NBPF3: variants seen among roughly 807,000 people sequenced by gnomAD.
NBPF3 encodes the protein NBPF member 3.
NBPF3 carries 57 observed loss-of-function variants against 78.1 expected under a neutral mutation model. That is an observed-to-expected ratio of 0.73 (90% confidence interval 0.59 to 0.91). The LOEUF (loss-of-function observed/expected upper bound fraction) is 0.91, where lower values mean the gene tolerates loss of function less well. Among genes scored for constraint, NBPF3 ranks in the 40% least tolerant of loss-of-function variants. The pLI is 0.00. For missense variants in NBPF3, 510 were observed against 715.3 expected (o/e 0.71, Z 3.27); for synonymous variants, 182 against 271.7 (o/e 0.67, Z 3.25).
At chr1:21,437,589 A>C, upstream of NBPF3, 1 of 719,658 alleles carries the variant, frequency 1.4e-6, no homozygotes, top group Non-Finnish European at 2.1e-6. Context: ...TTTGGGCATA[A>C]CACCAGTCGA....
Position 21,483,313 on chromosome 1 carries a change from A to G in NBPF3, c.1829A>G (p.Asp610Gly), listed in dbSNP as rs1332977023. ...EQDVSLALDV[D>G]NRFFTLTVIR... The stretch of plus-strand genomic sequence containing the variant: ...GACGTCAGCTTGGCCCTTGACGTGG[A>G]CAATAGGTTTTTTACTTTGACAGTG... The change falls in exon 15 of 15, where the codon GAC becomes GGC. Residue 610 changes from aspartate to glycine, a missense_variant. Coordinates refer to ENST00000318249, the MANE Select transcript of NBPF3 (RefSeq NM_032264.6). 4 of 1,277,026 alleles carry G rather than the reference A, an allele frequency of 3.1e-6. No individual in the cohort carries two copies. In the South Asian group the frequency reaches 5.5e-5, roughly 18 times the overall value. 79.1% of individuals were successfully genotyped at this position (1,277,026 alleles called of 1,614,324 possible).
At chr1:21,469,989 C>G (rs1046616642) in intron 3 of NBPF3, among the ~76,000 whole-genome samples, 5 of 148,320 alleles carry the variant, frequency 3.4e-5, no homozygotes, top group African/African-American at 1.2e-4. Context: ...TGTTTCTTGT[C>G]AATCTCCTAG....
rs948254113 is a variant in NBPF3, at chr1:21,476,357, C to T, written c.992+1406C>T. On this transcript the variant is annotated intron_variant, in intron 8 of 14. Transcript: ENST00000318249. This position sits in a 1 kb window ranked among gnomAD's most constrained non-coding sequence, Gnocchi z 4.1. ...TTTTGCCTGTTAGTTGATGCACTTTCTTCCTAGCATTGATGGTCTTTACAA... is the reference window on the plus strand; with the variant it reads ...TTTTGCCTGTTAGTTGATGCACTTTTTTCCTAGCATTGATGGTCTTTACAA... Among the ~76,000 whole-genome samples the T allele has an allele frequency of 9.2e-5, 14 of 152,184 alleles. No individual in the cohort carries two copies. The highest frequency in any genetic ancestry group is 3.4e-4 in the African/African-American group (14 of 41,440).
chr1:21,473,810 C>T (rs1261340000), intron 7 of NBPF3, among the ~76,000 whole-genome samples: 3 of 152,238 alleles, frequency 2.0e-5, no homozygotes, highest in Non-Finnish European at 4.4e-5. Context: ...ATCTCATAGT[C>T]ACCTGAGTGC....
At chr1:21,452,235 T>C (rs1333816105) in intron 2 of NBPF3, among the ~76,000 whole-genome samples, 1 of 152,120 alleles carries the variant, frequency 6.6e-6, no homozygotes, top group Non-Finnish European at 1.5e-5. Flanking sequence ...TATATACATA[T>C]AAAATGAGCA....
chr1:21,471,817 C>T, intron 5 of NBPF3, 34 bp downstream of exon 5: 1 of 1,609,958 alleles, frequency 6.2e-7, no homozygotes, highest in Non-Finnish European at 8.5e-7. Flanking sequence ...GACCCAAAAC[C>T]CCAGGCTTAT....
At chr1:21,479,319 G>T (rs1170753710) in intron 9 of NBPF3, 30 bp from the exon 10 acceptor site, 2 of 1,607,402 alleles carry the variant, frequency 1.2e-6, no homozygotes, top group East Asian at 4.5e-5. Context: ...ACTGCTTCAT[G>T]TAAGAGGCCC....
chr1:21,440,045 G>T (rs1207277950), upstream of NBPF3: 1 of 152,300 alleles, frequency 6.6e-6, no homozygotes, highest in Non-Finnish European at 1.5e-5. Flanking sequence ...TCCCTTTAAG[G>T]CCCCGCCGCG....
chr1:21,470,446 A>G (rs916691905), intron 3 of NBPF3, among the ~76,000 whole-genome samples, 186 bp from the exon 4 acceptor site: 1 of 152,144 alleles, frequency 6.6e-6, no homozygotes, highest in African/African-American at 2.4e-5. Context: ...CTTCGTCTCT[A>G]AATTTTGGAG....
Position 21,471,689 on chromosome 1 carries a change from G to A in NBPF3, c.567G>A (p.Pro189=), listed in dbSNP as rs146333187. The change falls in exon 5 of 15, where the codon CCG becomes CCA. Residue 189 remains proline, a synonymous_variant. Transcript: ENST00000318249. ...LNQHLQALLT[P]DEPDNSQGRD... ...AGCATCTCCAGGCCCTCCTCACTCC[G>A]GATGAGCCGGACAACTCCCAGGGAC... 8.7e-6 allele frequency: 14 copies of A among 1,613,378 alleles called. 1 individual carries two copies. Among genetic ancestry groups the A allele is most frequent in the East Asian group, 2.2e-5 (1 of 44,860 alleles).
At chr1:21,475,164 G>A (rs751978828) in intron 8 of NBPF3, among the ~76,000 whole-genome samples, 5 of 152,210 alleles carry the variant, frequency 3.3e-5, no homozygotes, top group Non-Finnish European at 5.9e-5. Flanking sequence ...AGATGAGCCA[G>A]GTGAACTAGC....
chr1:21,470,988 A>G (rs1181457266), intron 4 of NBPF3, among the ~76,000 whole-genome samples: 1 of 152,114 alleles, frequency 6.6e-6, no homozygotes, highest in Non-Finnish European at 1.5e-5. Flanking sequence ...GCATAACACA[A>G]AATTAACCGA....
intron 2 of NBPF3, among the ~76,000 whole-genome samples, chr1:21,450,562 C>T (rs542841916): frequency 6.6e-6 from 1 of 152,260 alleles, no homozygotes; most frequent in South Asian, 2.1e-4. Flanking sequence ...ATGTGGGGAC[C>T]ATTTCAGAAA....
chr1:21,481,452 A>G, intron 12 of NBPF3, 145 bp from the exon 13 acceptor site: 4 of 1,073,830 alleles, frequency 3.7e-6, no homozygotes, highest in South Asian at 3.3e-5. Flanking sequence ...TGCCATCCCA[A>G]CTGAGGGCAA....
chr1:21,478,036 T>G lies in NBPF3; in HGVS notation c.993-108T>G, dbSNP rs552420184. Reference sequence around the variant, plus strand: ...TCTCTTGAAGGAAAAATGCCTTTGGTTTCTGTGAGCACTCCATTCTGTCTC... The same window carrying G: ...TCTCTTGAAGGAAAAATGCCTTTGGGTTCTGTGAGCACTCCATTCTGTCTC... On this transcript the variant is annotated intron_variant, in intron 8 of 14. Transcript: ENST00000318249. 6.2e-4 allele frequency: 991 copies of G among 1,607,402 alleles called. 4 individuals carry two copies. In the Middle Eastern group the frequency reaches 0.011, roughly 17 times the overall value.
At chr1:21,437,103 G>A (rs1266363906), upstream of NBPF3, among the ~76,000 whole-genome samples, 2 of 152,182 alleles carry the variant, frequency 1.3e-5, no homozygotes, top group African/African-American at 4.8e-5. Flanking sequence ...GGTCCTGGTA[G>A]AGAGGGAGAC....
At chr1:21,452,244 C>A (rs1046992280) in intron 2 of NBPF3, among the ~76,000 whole-genome samples, 3 of 152,158 alleles carry the variant, frequency 2.0e-5, no homozygotes, top group African/African-American at 7.2e-5. Context: ...ATAAAATGAG[C>A]AAACATGTGG....
chr1:21,480,588 A>G (rs1191522136), intron 11 of NBPF3, among the ~76,000 whole-genome samples: 2 of 152,306 alleles, frequency 1.3e-5, no homozygotes, highest in Non-Finnish European at 2.9e-5. Flanking sequence ...TGGGCATTTG[A>G]TGAGACAGGG....
At chr1:21,442,353 C>G (rs1362845045) in intron 1 of NBPF3, 1 of 152,090 alleles carries the variant, frequency 6.6e-6, no homozygotes. Context: ...TAGCTGGGAC[C>G]TACAGGGGAG....
Sources: allele counts gnomAD v4.1 joint callset (sites outside exome capture counted in the v4.1 genomes callset), GRCh38; gene constraint gnomAD v4.1.1; non-coding constraint Gnocchi (gnomAD v3.1); transcripts MANE v1.5; gene names NCBI Gene and HGNC (gene_info 2026-07-23, HGNC 2026-07-21).